NRXN3: variants seen among roughly 807,000 people sequenced by gnomAD.
NRXN3 encodes the protein neurexin III.
Under a neutral mutation model 137.6 loss-of-function variants are expected in NRXN3, and 32 were observed. The ratio of observed to expected loss-of-function variants is 0.23; its 90% CI spans 0.18 to 0.31. The LOEUF (loss-of-function observed/expected upper bound fraction) is 0.31. NRXN3 is among the 10% of genes least tolerant of loss of function. The pLI, the probability that NRXN3 is intolerant of heterozygous loss-of-function variation, is 1.00. For missense variants in NRXN3, 1,574 were observed against 2,062.5 expected (o/e 0.76, Z 4.59); for synonymous variants, 798 against 784.5 (o/e 1.02, Z -0.29).
chr14:78,173,709 CTT>C (rs10638142), intron 1 of NRXN3, among the ~76,000 whole-genome samples: 17 of 69,330 alleles, frequency 2.5e-4, no homozygotes, highest in Non-Finnish European at 3.2e-4. Flanking sequence ...TTTTTCCTTG[CTT>C]TTTTTTTTTT....
At chr14:79,719,893 T>A (rs2098838235) in intron 19 of NRXN3, among the ~76,000 whole-genome samples, 1 of 152,166 alleles carries the variant, frequency 6.6e-6, no homozygotes, top group Non-Finnish European at 1.5e-5. Flanking sequence ...ATTTATGTAT[T>A]TCAAATGCTT....
intron 8 of NRXN3, among the ~76,000 whole-genome samples, chr14:78,771,399 T>C (rs1436297984): frequency 6.6e-6 from 1 of 152,176 alleles, no homozygotes; most frequent in Non-Finnish European, 1.5e-5. Context: ...CACTGTATTA[T>C]GAGGGCCGCA....
intron 19 of NRXN3, among the ~76,000 whole-genome samples, chr14:79,719,313 G>C (rs1274564312): frequency 6.7e-6 from 1 of 149,698 alleles, no homozygotes; most frequent in Non-Finnish European, 1.5e-5. Context: ...GTATGTGTAT[G>C]TATACACGCG....
chr14:78,712,675 GC>G (rs1347438373), intron 7 of NRXN3, among the ~76,000 whole-genome samples: 1 of 152,194 alleles, frequency 6.6e-6, no homozygotes, highest in Non-Finnish European at 1.5e-5. Flanking sequence ...GAATTCTCCT[GC>G]CTCAACCTCT....
At chr14:78,587,397 G>A (rs56308406) in intron 4 of NRXN3, among the ~76,000 whole-genome samples, 1,583 of 152,260 alleles carry the variant, frequency 0.01, 24 homozygotes, top group African/African-American at 0.036. Flanking sequence ...GGAATCAACC[G>A]TTTTTAATGT....
chr14:79,370,323 G>GT (rs71131696), intron 15 of NRXN3, among the ~76,000 whole-genome samples: 63,422 of 137,324 alleles, frequency 0.46, 15,079 homozygotes, highest in Middle Eastern at 0.57. Context: ...GTTTTTTTTT[G>GT]TTTTTTTTTT....
rs1377695611 is a variant in NRXN3, at chr14:79,663,934, G to C, written c.3601G>C (p.Glu1201Gln). The change falls in exon 17 of 21, where the codon GAA becomes CAA. Residue 1201 changes from glutamate to glutamine, a missense_variant. Glu to Gln is a conservative substitution (Grantham distance 29). This residue lies in a region of NRXN3 where 133 missense variants were observed against 241.8 expected (regional missense o/e 0.55). Coordinates refer to ENST00000335750, the MANE Select transcript of NRXN3 (RefSeq NM_001330195.2). ...TLQVDNWPVN[E>Q]HYPTGNTDNE... ...GCAGGTGGACAACTGGCCAGTGAAT[G>C]AACATTATCCTACAGGTACATGTTG... 6.2e-7 allele frequency: 1 copy of C among 1,613,436 alleles called. No individual in the cohort carries two copies. The highest frequency in any genetic ancestry group is 8.5e-7 in the Non-Finnish European group (1 of 1,179,604).
intron 15 of NRXN3, among the ~76,000 whole-genome samples, chr14:79,171,552 G>A (rs2061782155): frequency 6.6e-6 from 1 of 152,022 alleles, no homozygotes; most frequent in Non-Finnish European, 1.5e-5. Flanking sequence ...TCAATACCAT[G>A]CATAATGACA....
At chr14:79,636,653 T>A (rs1332747026) in intron 16 of NRXN3, among the ~76,000 whole-genome samples, 1 of 152,208 alleles carries the variant, frequency 6.6e-6, no homozygotes, top group Non-Finnish European at 1.5e-5. Flanking sequence ...GTTCTAGAAA[T>A]CAGAGTATTT....
chr14:78,661,481 A>C (rs1476925188), intron 6 of NRXN3, among the ~76,000 whole-genome samples: 1 of 152,248 alleles, frequency 6.6e-6, no homozygotes, highest in Non-Finnish European at 1.5e-5. Context: ...AAGTTTTTGT[A>C]AGATGGCACA....
intron 4 of NRXN3, among the ~76,000 whole-genome samples, chr14:78,522,782 T>G (rs1322918449): frequency 6.6e-6 from 1 of 152,182 alleles, no homozygotes; most frequent in Non-Finnish European, 1.5e-5. Context: ...GATACTCTCT[T>G]TCCACTGGGG....
chr14:78,459,738 C>A (rs1008531755), intron 4 of NRXN3, among the ~76,000 whole-genome samples: 7 of 152,192 alleles, frequency 4.6e-5, no homozygotes, highest in African/African-American at 1.7e-4. Context: ...AACTCACTTT[C>A]TCGTACTATA....
At chr14:79,042,984 C>T (rs1327217397) in intron 15 of NRXN3, among the ~76,000 whole-genome samples, 9 of 151,922 alleles carry the variant, frequency 5.9e-5, no homozygotes, top group Non-Finnish European at 1.5e-5. Flanking sequence ...AGTGAGCAGC[C>T]CAATAAAGCT....
intron 10 of NRXN3, among the ~76,000 whole-genome samples, chr14:78,942,191 A>G (rs1207441055): frequency 6.6e-6 from 1 of 152,190 alleles, no homozygotes; most frequent in Non-Finnish European, 1.5e-5. Flanking sequence ...GTATGGATTC[A>G]TCATACATCC....
In NRXN3 at chr14:78,686,974, A is replaced by T. The variant is rs1041229897; in HGVS notation, c.1222-22243A>T. Among the ~76,000 whole-genome samples the T allele has an allele frequency of 8.5e-5, 13 of 152,302 alleles. No homozygotes were observed. In the East Asian group the frequency reaches 1.9e-3, roughly 23 times the overall value. Reference sequence around the variant, plus strand: ...AAAAGCAAGCAAAGAAATCTAAGTTATATATGGTGGTATAAATGCTATGAG... The same window carrying T: ...AAAAGCAAGCAAAGAAATCTAAGTTTTATATGGTGGTATAAATGCTATGAG... On this transcript the variant is annotated intron_variant, in intron 6 of 20. Coordinates refer to ENST00000335750, the MANE Select transcript of NRXN3 (RefSeq NM_001330195.2).
At chr14:79,190,806 T>C (rs2064192782) in intron 15 of NRXN3, among the ~76,000 whole-genome samples, 1 of 152,170 alleles carries the variant, frequency 6.6e-6, no homozygotes, top group Non-Finnish European at 1.5e-5. Flanking sequence ...ATCCTTCTAC[T>C]AAGTCACTTG....
At chr14:78,507,838 C>T (rs1006556259) in intron 4 of NRXN3, among the ~76,000 whole-genome samples, 1 of 152,142 alleles carries the variant, frequency 6.6e-6, no homozygotes, top group Admixed American at 6.5e-5. Context: ...TGAGTTGTTA[C>T]AAAACCAGAG....
In NRXN3 at chr14:79,493,377, C is replaced by T. The variant is rs552517563; in HGVS notation, c.3444+25975C>T. Among the ~76,000 whole-genome samples, 3 of 152,288 alleles carry T rather than the reference C, an allele frequency of 2.0e-5. No individual in the cohort carries two copies. In the East Asian group the frequency reaches 5.8e-4, roughly 29 times the overall value. The stretch of plus-strand genomic sequence containing the variant: ...CATTCAGAATCCATTTAGAGATTTA[C>T]AGAAGGGCTTTAGCCCAGAACAGTG... On this transcript the variant is annotated intron_variant, in intron 16 of 20. Coordinates refer to ENST00000335750, the MANE Select transcript of NRXN3 (RefSeq NM_001330195.2).
chr14:79,712,088 G>GACTT (rs1170094344), intron 19 of NRXN3, among the ~76,000 whole-genome samples: 14 of 152,176 alleles, frequency 9.2e-5, no homozygotes, highest in Non-Finnish European at 1.3e-4. Context: ...AGCATCGTGA[G>GACTT]ACTTAAAATA....
Sources: allele counts gnomAD v4.1 joint callset (sites outside exome capture counted in the v4.1 genomes callset), GRCh38; gene constraint gnomAD v4.1.1; regional missense constraint gnomAD v4.1.1; transcripts MANE v1.5; gene names NCBI Gene and HGNC (gene_info 2026-07-23, HGNC 2026-07-21).